The following TRPC4AP variants were observed in gnomAD, a reference collection of about 807,000 sequenced individuals.
TRPC4AP encodes the protein short transient receptor potential channel 4-associated protein.
A neutral mutation model predicts 99.0 loss-of-function variants in TRPC4AP; 45 were observed. The ratio of observed to expected loss-of-function variants is 0.45; its 90% CI spans 0.36 to 0.58. TRPC4AP has a LOEUF of 0.58. Among genes scored for constraint, TRPC4AP ranks in the 20% least tolerant of loss-of-function variants. The pLI, the probability that TRPC4AP is intolerant of heterozygous loss-of-function variation, is 0.00. For synonymous variants in TRPC4AP, 408 were observed against 385.8 expected, an observed-to-expected ratio of 1.06 and a Z score of -0.67; for missense variants, 879 against 985.3, an observed-to-expected ratio of 0.89 and a Z score of 1.44.
At chr20:35,042,332 T>C (rs1396408008) in intron 7 of TRPC4AP, among the ~76,000 whole-genome samples, 1 of 152,186 alleles carries the variant, frequency 6.6e-6, no homozygotes, top group African/African-American at 2.4e-5. Flanking sequence ...AAAGTATAGT[T>C]ATGATCACCT....
chr20:35,072,782 A>G (rs1600644951), intron 2 of TRPC4AP, among the ~76,000 whole-genome samples: 1 of 152,252 alleles, frequency 6.6e-6, no homozygotes, highest in East Asian at 1.9e-4. Context: ...TTTTGGTTCC[A>G]TATGAACTTT....
In TRPC4AP at chr20:35,017,308, A is replaced by C. The variant is rs545789815; in HGVS notation, c.1219-1169T>G. Among the ~76,000 whole-genome samples, 10 of 152,372 alleles carry C rather than the reference A, an allele frequency of 6.6e-5. No individual in the cohort carries two copies. The South Asian group carries it at 2.1e-3, about 32-fold the overall frequency. ...AGGAATACAATTCGCCTTTGTAAGC[A>C]TAAAAATGTCTCTAGAAGGATACAC... is the stretch of plus-strand genomic sequence containing the variant. On this transcript the variant is annotated intron_variant, in intron 9 of 18. Transcript: ENST00000252015.
At chr20:35,009,643 T>C (rs2082588395) in intron 12 of TRPC4AP, among the ~76,000 whole-genome samples, 1 of 152,102 alleles carries the variant, frequency 6.6e-6, no homozygotes, top group Non-Finnish European at 1.5e-5. Flanking sequence ...ACCTTGTGTC[T>C]AAAAAACAAA....
chr20:35,061,232 A>G (rs1465882894), intron 3 of TRPC4AP, among the ~76,000 whole-genome samples: 1 of 152,224 alleles, frequency 6.6e-6, no homozygotes, highest in Non-Finnish European at 1.5e-5. Context: ...TATGAAAACA[A>G]TTCCATTTAA....
Position 35,092,653 on chromosome 20 carries a change from C to G in TRPC4AP, c.129G>C (p.Gln43His). ...CCAGGCCCCGGCCGGTCAGCTGGCC[C>G]TGCCGCAGCTGCAGCAGAATGTTAC... is the stretch of plus-strand genomic sequence containing the variant. ...RPGNILLQLR[Q>H]GQLTGRGLVR... Residue 43 changes from glutamine to histidine, a missense_variant, in exon 1 of 19, where the codon CAG becomes CAC. Physicochemically the swap from Gln to His is conservative, Grantham distance 24. Transcript: ENST00000252015. The G allele has an allele frequency of 6.6e-7, 1 of 1,519,612 alleles. No homozygotes were observed. The highest frequency in any genetic ancestry group is 8.8e-7 in the Non-Finnish European group (1 of 1,141,982). The allele number at this position is 1,519,612 out of a possible 1,614,324, so 94.1% of individuals were successfully genotyped here.
rs1269827925 is a variant in TRPC4AP at position 35,092,600 on chromosome 20, G to T, written c.168+14C>A. 1 of 1,488,594 alleles carries T rather than the reference G, an allele frequency of 6.7e-7. No individual in the cohort carries two copies. Among genetic ancestry groups the T allele is most frequent in the Non-Finnish European group, 8.9e-7 (1 of 1,127,924 alleles). 92.2% of individuals were successfully genotyped at this position (1,488,594 alleles called of 1,614,324 possible). On this transcript the variant is annotated intron_variant, in intron 1 of 18. Coordinates refer to ENST00000252015, the MANE Select transcript of TRPC4AP (RefSeq NM_015638.3). The stretch of plus-strand genomic sequence containing the variant: ...GGTCCGCCCCGCCCCGCCCCTCCTG[G>T]TCCAGCCTCGTACCTGCACCGCCCG...
chr20:35,047,461 T>G (rs1263890479), intron 6 of TRPC4AP, among the ~76,000 whole-genome samples: 1 of 152,238 alleles, frequency 6.6e-6, no homozygotes, highest in African/African-American at 2.4e-5. Context: ...TCATTTCTAC[T>G]ATATAATATT....
chr20:35,002,541 A>C lies in TRPC4AP; in HGVS notation c.*605T>G. The C allele has an allele frequency of 4.3e-6, 1 of 233,180 alleles. No individual in the cohort carries two copies. Among genetic ancestry groups the C allele is most frequent in the Non-Finnish European group, 8.2e-6 (1 of 121,276 alleles). The allele number at this position is 233,180 out of a possible 1,614,324, so 14.4% of individuals were successfully genotyped here. A position where few individuals can be genotyped will look rare whatever the true frequency, so the allele number is the denominator to read the frequency against. On this transcript the variant is annotated 3_prime_UTR_variant, in exon 19 of 19. Coordinates refer to ENST00000252015, the MANE Select transcript of TRPC4AP (RefSeq NM_015638.3). ...CCTCAGGCAGAGGCAGGGCAGGCACAGCTGCCCCGTGCCCCAAGGGATGGA... is the reference window on the plus strand; with the variant it reads ...CCTCAGGCAGAGGCAGGGCAGGCACCGCTGCCCCGTGCCCCAAGGGATGGA...
At chr20:35,067,941 T>C (rs972585985) in intron 3 of TRPC4AP, among the ~76,000 whole-genome samples, 7 of 152,140 alleles carry the variant, frequency 4.6e-5, no homozygotes, top group East Asian at 1.9e-4. Context: ...GTGGTGATGG[T>C]TGCACATATC....
chr20:35,021,770 T>C (rs908607122), intron 8 of TRPC4AP, among the ~76,000 whole-genome samples: 2 of 152,190 alleles, frequency 1.3e-5, no homozygotes, highest in Admixed American at 6.5e-5. Flanking sequence ...TGAGACTCCA[T>C]GAGGGACACT....
intron 6 of TRPC4AP, among the ~76,000 whole-genome samples, chr20:35,045,696 G>A (rs1009098822): frequency 2.9e-4 from 44 of 152,068 alleles, no homozygotes; most frequent in African/African-American, 8.7e-4. Context: ...CCGCCACCAC[G>A]CCTGGCTAAT....
chr20:35,012,589 G>A lies in TRPC4AP; in HGVS notation c.1409+419C>T, dbSNP rs1167389995. On this transcript the variant is annotated intron_variant, in intron 11 of 18. Transcript: ENST00000252015. ...CGCAGAATGTCTTTCAAGAAAAATG[G>A]GAGCACACCTCCTTGTGGAGGGAAG... Among the ~76,000 whole-genome samples the A allele has an allele frequency of 2.0e-5, 3 of 152,226 alleles. No individual in the cohort carries two copies. In the East Asian group the frequency reaches 5.8e-4, roughly 29 times the overall value.
At chr20:35,021,028 C>T (rs2082873882) in intron 9 of TRPC4AP, among the ~76,000 whole-genome samples, 162 bp downstream of exon 9, 1 of 152,202 alleles carries the variant, frequency 6.6e-6, no homozygotes, top group Non-Finnish European at 1.5e-5. Flanking sequence ...CTGGAATCAG[C>T]CTGGTTTCCT....
intron 17 of TRPC4AP, among the ~76,000 whole-genome samples, chr20:35,004,214 T>A (rs568674691): frequency 1.3e-5 from 2 of 152,174 alleles, no homozygotes; most frequent in East Asian, 3.9e-4. Flanking sequence ...GACGTGGACA[T>A]GGGGGAGGCG....
intron 1 of TRPC4AP, among the ~76,000 whole-genome samples, chr20:35,081,312 A>T (rs1177387481): frequency 1.3e-5 from 2 of 151,982 alleles, no homozygotes; most frequent in Admixed American, 1.3e-4. Flanking sequence ...CAGGAGTTAA[A>T]GACCAGCCTA....
intron 12 of TRPC4AP, among the ~76,000 whole-genome samples, chr20:35,009,958 C>T (rs2082595721): frequency 6.6e-6 from 1 of 152,256 alleles, no homozygotes; most frequent in Non-Finnish European, 1.5e-5. Context: ...CTCACCTCAT[C>T]TGTCAAGTGC....
chr20:35,089,424 T>A (rs1377997736), intron 1 of TRPC4AP, among the ~76,000 whole-genome samples: 1 of 147,020 alleles, frequency 6.8e-6, no homozygotes, highest in East Asian at 2.0e-4. Context: ...GTAGTAGAGC[T>A]GGGGCTCCAC....
chr20:35,050,593 G>A (rs937358316), intron 5 of TRPC4AP, among the ~76,000 whole-genome samples: 2 of 151,940 alleles, frequency 1.3e-5, no homozygotes, highest in African/African-American at 4.8e-5. Context: ...CATGCCTGTA[G>A]TCCTAGCTAC....
Position 35,010,148 on chromosome 20 carries a change from C to T in TRPC4AP, c.1511+39G>A, listed in dbSNP as rs562848387. The T allele has an allele frequency of 4.3e-5, 68 of 1,593,244 alleles. 1 individual carries two copies. The highest frequency in any genetic ancestry group is 3.5e-4 in the South Asian group (32 of 90,452). On this transcript the variant is annotated intron_variant, in intron 12 of 18. Transcript: ENST00000252015. ...TGAGCCCCCGGGGAACGTGGGCAGC[C>T]GGGATGGGCTGAGGGAAAAGCTGCA...
Sources: allele counts gnomAD v4.1 joint callset (sites outside exome capture counted in the v4.1 genomes callset), GRCh38; gene constraint gnomAD v4.1.1; transcripts MANE v1.5; gene names NCBI Gene and HGNC (gene_info 2026-07-23, HGNC 2026-07-21).